The following ANK2 variants were observed in gnomAD, a reference collection of about 807,000 sequenced individuals.
The protein encoded by ANK2 is ankyrin-2.
Under a neutral mutation model 360.5 loss-of-function variants are expected in ANK2, and 83 were observed. That is an observed-to-expected ratio of 0.23 (90% confidence interval 0.19 to 0.28). The LOEUF (loss-of-function observed/expected upper bound fraction) is 0.28, where lower values mean the gene tolerates loss of function less well. Ranked by LOEUF, ANK2 falls within the 10% of genes least tolerant of loss-of-function variation. ANK2 has a pLI of 1.00. For synonymous variants in ANK2, 1,740 were observed against 1,759.5 expected, an observed-to-expected ratio of 0.99 and a Z score of 0.28; for missense variants, 4,201 against 4,795.7, an observed-to-expected ratio of 0.88 and a Z score of 3.66.
chr4:113,018,267 G>T (rs1189538862), intron 2 of ANK2, among the ~76,000 whole-genome samples: 1 of 152,138 alleles, frequency 6.6e-6, no homozygotes, highest in African/African-American at 2.4e-5. Flanking sequence ...GAGAAAATTT[G>T]AAATTAAGTC....
chr4:113,292,384 G>C, intron 20 of ANK2, 32 bp from the exon 21 acceptor site: 3 of 1,576,488 alleles, frequency 1.9e-6, no homozygotes, highest in Non-Finnish European at 2.6e-6. Flanking sequence ...CTGCCAATCG[G>C]GTGCTGGGCC....
intron 1 of ANK2, among the ~76,000 whole-genome samples, chr4:113,120,238 A>G (rs2095260011): frequency 6.6e-6 from 1 of 152,192 alleles, no homozygotes; most frequent in Non-Finnish European, 1.5e-5. Context: ...CTAATTTAGT[A>G]TGTTTGCTGA....
intron 2 of ANK2, among the ~76,000 whole-genome samples, chr4:113,192,588 T>C (rs115285565): frequency 0.02 from 3,088 of 152,320 alleles, 45 homozygotes; most frequent in South Asian, 0.035. Context: ...CAGATAGATC[T>C]GAGTTTGGAT....
chr4:113,341,650 T>C, intron 32 of ANK2, 38 bp from the exon 33 acceptor site: 1 of 1,601,862 alleles, frequency 6.2e-7, no homozygotes, highest in South Asian at 1.1e-5. Context: ...CATGGTATAC[T>C]TTGAACTTTA....
At chr4:112,992,476 A>G (rs1166656617) in intron 2 of ANK2, among the ~76,000 whole-genome samples, 8 of 152,188 alleles carry the variant, frequency 5.3e-5, no homozygotes. Context: ...TCTTGGTACC[A>G]AAGTCTGTAT....
chr4:113,099,597 C>A (rs1438723609), intron 1 of ANK2, among the ~76,000 whole-genome samples: 1 of 151,944 alleles, frequency 6.6e-6, no homozygotes, highest in African/African-American at 2.4e-5. Context: ...CAATCAAAAT[C>A]TCAGCAAGTT....
intron 1 of ANK2, among the ~76,000 whole-genome samples, chr4:112,883,072 T>C (rs1421491163): frequency 1.5e-5 from 2 of 132,646 alleles, no homozygotes; most frequent in Non-Finnish European, 3.2e-5. Flanking sequence ...GGAGTTTCAC[T>C]CTTTTGCCCA....
chr4:112,918,167 G>C (rs2090444110), intron 2 of ANK2, among the ~76,000 whole-genome samples: 2 of 152,108 alleles, frequency 1.3e-5, no homozygotes, highest in South Asian at 2.1e-4. Flanking sequence ...TATTACACAG[G>C]CCATCTGATT....
intron 2 of ANK2, among the ~76,000 whole-genome samples, chr4:112,979,214 G>A (rs773917302): frequency 6.6e-6 from 1 of 152,214 alleles, no homozygotes; most frequent in Non-Finnish European, 1.5e-5. Context: ...GTGTGAGTGA[G>A]TGTGGGGTCC....
chr4:113,088,993 C>T (rs1164132977), intron 1 of ANK2, among the ~76,000 whole-genome samples: 3 of 152,116 alleles, frequency 2.0e-5, no homozygotes, highest in East Asian at 1.9e-4. Flanking sequence ...GATTTAAAAC[C>T]GACAATTTAA....
chr4:112,767,073 G>A, the ANK2 span, among the ~76,000 whole-genome samples: 1 of 152,124 alleles, frequency 6.6e-6, no homozygotes, highest in Non-Finnish European at 1.5e-5. Context: ...ATGATGTAAA[G>A]CATCATCTCT....
the ANK2 span, among the ~76,000 whole-genome samples, chr4:112,783,628 ATTAT>A: frequency 0.1 from 14,711 of 141,098 alleles, 859 homozygotes; most frequent in Middle Eastern, 0.15. Context: ...ATGTTGATAT[ATTAT>A]TTATTTATTT....
chr4:113,142,702 C>A (rs978071617), intron 1 of ANK2, among the ~76,000 whole-genome samples: 2 of 151,760 alleles, frequency 1.3e-5, no homozygotes, highest in Non-Finnish European at 2.9e-5. Context: ...TTGGAGAAAG[C>A]ATGAGATGAT....
intron 14 of ANK2, among the ~76,000 whole-genome samples, chr4:113,269,843 A>G (rs1232870941): frequency 6.6e-6 from 1 of 152,214 alleles, no homozygotes; most frequent in Non-Finnish European, 1.5e-5. Flanking sequence ...AATTTAATAG[A>G]CATTTTCTTG....
intron 1 of ANK2, among the ~76,000 whole-genome samples, chr4:112,825,942 G>C (rs2058327618): frequency 6.6e-6 from 1 of 152,148 alleles, no homozygotes; most frequent in African/African-American, 2.4e-5. Context: ...ACCTCTCCAT[G>C]AGAGCCTTAA....
At chr4:113,372,631 C>G in intron 43 of ANK2, 1 of 1,529,248 alleles carries the variant, frequency 6.5e-7, no homozygotes, top group South Asian at 1.2e-5. Context: ...TTCAGGTACC[C>G]ACTGTTAAAT....
chr4:113,317,681 G>A (rs2153836234), intron 24 of ANK2, 26 bp from the exon 25 acceptor site: 5 of 1,574,150 alleles, frequency 3.2e-6, no homozygotes, highest in Non-Finnish European at 4.4e-6. Context: ...GTTGGTATAT[G>A]CCATGGCCTC....
At chr4:112,818,714 A>C (rs995353361) in intron 1 of ANK2, among the ~76,000 whole-genome samples, 2 of 152,102 alleles carry the variant, frequency 1.3e-5, no homozygotes, top group Non-Finnish European at 2.9e-5. Flanking sequence ...GCATTGGGTG[A>C]GTAGGTGGTG....
At chr4:112,768,699 T>A in the ANK2 span, among the ~76,000 whole-genome samples, 1 of 152,204 alleles carries the variant, frequency 6.6e-6, no homozygotes, top group South Asian at 2.1e-4. Context: ...ACTCATTCTT[T>A]GTGTTCTCAG....
Sources: gnomAD v4.1 joint callset for allele counts (sites outside exome capture counted in the v4.1 genomes callset) on GRCh38, gnomAD v4.1.1 for gene constraint, MANE v1.5 for transcripts, NCBI Gene and HGNC (gene_info 2026-07-23, HGNC 2026-07-21) for gene names.